LYSMD1: variants seen among roughly 807,000 people sequenced by gnomAD.
LYSMD1 encodes the protein LysM domain containing 1.
LYSMD1 carries 9 observed loss-of-function variants against 19.3 expected under a neutral mutation model. That is an observed-to-expected ratio of 0.47 (90% CI 0.28 to 0.81). The LOEUF (loss-of-function observed/expected upper bound fraction) is 0.81, where lower values mean the gene tolerates loss of function less well. LYSMD1 is among the 40% of genes least tolerant of loss of function. The pLI is 0.11. For missense variants in LYSMD1, 262 were observed against 279.8 expected, an observed-to-expected ratio of 0.94 and a Z score of 0.45; for synonymous variants, 111 against 111.7, an observed-to-expected ratio of 0.99 and a Z score of 0.04.
Position 151,161,762 on chromosome 1 carries a change from A to T in LYSMD1, c.519T>A (p.Ala173=), listed in dbSNP as rs759860606. ...SQISLSKKAA[A]QKLKKGENGV... is the part of the protein sequence containing the mutation. Reference sequence around the variant, plus strand: ...CATTTTCCCCTTTTTTCAGCTTCTGAGCAGCAGCCTTCTTGGACAGGCTGA... The same window carrying T: ...CATTTTCCCCTTTTTTCAGCTTCTGTGCAGCAGCCTTCTTGGACAGGCTGA... The change falls in exon 2 of 3, where the codon GCT becomes GCA. Residue 173 remains alanine, a synonymous_variant. Transcript: ENST00000368908. 1 of 1,611,496 alleles carries T rather than the reference A, an allele frequency of 6.2e-7. No individual in the cohort carries two copies. The highest frequency in any genetic ancestry group is 8.5e-7 in the Non-Finnish European group (1 of 1,179,376).
chr1:151,165,031 C>T, intron 1 of LYSMD1, 48 bp downstream of exon 1: 3 of 1,547,506 alleles, frequency 1.9e-6, no homozygotes, highest in Non-Finnish European at 2.7e-6. Context: ...CTTCTCAGGA[C>T]TAAATCCCTC....
chr1:151,162,514 T>C (rs1265588730), intron 1 of LYSMD1, among the ~76,000 whole-genome samples: 1 of 152,164 alleles, frequency 6.6e-6, no homozygotes, highest in Non-Finnish European at 1.5e-5. Flanking sequence ...GTTAAGCTAC[T>C]TTCCTAAAAT....
chr1:151,151,911 A>G, the LYSMD1 span, among the ~76,000 whole-genome samples: 2 of 151,448 alleles, frequency 1.3e-5, no homozygotes, highest in African/African-American at 2.4e-5. Flanking sequence ...CCTGAGCAAC[A>G]AGAGCGAAAC....
the LYSMD1 span, among the ~76,000 whole-genome samples, chr1:151,154,671 G>A: frequency 6.6e-6 from 1 of 151,186 alleles, no homozygotes; most frequent in South Asian, 2.1e-4. Flanking sequence ...TTTGGAGACC[G>A]AGTCTCACTC....
chr1:151,150,868 A>G, the LYSMD1 span, among the ~76,000 whole-genome samples: 2 of 151,482 alleles, frequency 1.3e-5, no homozygotes, highest in Non-Finnish European at 2.9e-5. Flanking sequence ...CCTCCCGAGT[A>G]GCTGGGATTA....
At chr1:151,154,496 AAG>A in the LYSMD1 span, among the ~76,000 whole-genome samples, 4 of 146,834 alleles carry the variant, frequency 2.7e-5, no homozygotes, top group Admixed American at 6.7e-5. Context: ...AAAAGAAAGA[AAG>A]AGAGAGAGAG....
Position 151,160,902 on chromosome 1 carries a change from C to T in LYSMD1, c.664G>A (p.Asp222Asn), listed in dbSNP as rs1223112802. 6.2e-7 allele frequency: 1 copy of T among 1,613,908 alleles called. No individual in the cohort carries two copies. ...GGACATCAGAGTTTGAAGATTTCAT[C>T]CTCCTGGTCCCGTAGTGTCCGGGTC... ...SRTRTLRDQE[D>N]EIFKL The change falls in exon 3 of 3, where the codon GAT (aspartate) becomes AAT (asparagine). Residue 222 changes from aspartate to asparagine, a missense_variant. Coordinates refer to ENST00000368908, the MANE Select transcript of LYSMD1 (RefSeq NM_212551.5).
chr1:151,151,155 T>C, the LYSMD1 span, among the ~76,000 whole-genome samples: 1 of 152,214 alleles, frequency 6.6e-6, no homozygotes, highest in Non-Finnish European at 1.5e-5. Flanking sequence ...AATCCGACAA[T>C]GAGAACAGTT....
At chr1:151,158,073 C>G (rs587632546), downstream of LYSMD1, among the ~76,000 whole-genome samples, 4 of 152,246 alleles carry the variant, frequency 2.6e-5, no homozygotes, top group African/African-American at 9.6e-5. Context: ...GCCTGTATTC[C>G]CGGCACTTTG....
chr1:151,158,689 C>T, downstream of LYSMD1: 1 of 1,587,296 alleles, frequency 6.3e-7, no homozygotes, highest in East Asian at 2.2e-5. Context: ...ACCCCACTCT[C>T]CAGGACCCAT....
At chr1:151,163,926 C>A (rs1415390954) in intron 1 of LYSMD1, among the ~76,000 whole-genome samples, 1 of 151,322 alleles carries the variant, frequency 6.6e-6, no homozygotes, top group Non-Finnish European at 1.5e-5. Flanking sequence ...CACTCTGTTG[C>A]CCAGGCTGGA....
chr1:151,152,563 G>A, the LYSMD1 span, among the ~76,000 whole-genome samples: 4 of 151,294 alleles, frequency 2.6e-5, no homozygotes. Context: ...AGCCGGGCGT[G>A]GGGGTGCGCG....
chr1:151,162,355 G>T (rs1263627791), intron 1 of LYSMD1, among the ~76,000 whole-genome samples: 1 of 152,164 alleles, frequency 6.6e-6, no homozygotes, highest in Non-Finnish European at 1.5e-5. Flanking sequence ...TACTCAGGAG[G>T]CTGAGGAGGG....
At chr1:151,158,597 C>A, downstream of LYSMD1, 1 of 1,169,096 alleles carries the variant, frequency 8.6e-7, no homozygotes, top group Non-Finnish European at 1.2e-6. Context: ...GACATGGAAA[C>A]TAAAGAAGCA....
downstream of LYSMD1, among the ~76,000 whole-genome samples, chr1:151,155,504 G>C (rs985589932): frequency 6.6e-6 from 1 of 152,182 alleles, no homozygotes; most frequent in Non-Finnish European, 1.5e-5. Context: ...GGGAGACTAA[G>C]GTAGGAGGAT....
At chr1:151,149,888 C>T in the LYSMD1 span, among the ~76,000 whole-genome samples, 1 of 152,298 alleles carries the variant, frequency 6.6e-6, no homozygotes. Flanking sequence ...CAGGAAAACC[C>T]TCATCCGTCT....
the LYSMD1 span, among the ~76,000 whole-genome samples, chr1:151,150,940 T>C: frequency 1.3e-5 from 2 of 151,910 alleles, no homozygotes; most frequent in Non-Finnish European, 2.9e-5. Flanking sequence ...GGTTTCGCCA[T>C]GTTGGCCAGG....
At chr1:151,157,691 C>T (rs146834469), downstream of LYSMD1, among the ~76,000 whole-genome samples, 9 of 152,308 alleles carry the variant, frequency 5.9e-5, no homozygotes, top group African/African-American at 2.2e-4. Flanking sequence ...TATTTCTCTT[C>T]GCTTCAGTTT....
In LYSMD1 at chr1:151,160,594, T is replaced by G. The variant is rs1572065397; in HGVS notation, c.*288A>C. 4.4e-6 allele frequency: 1 copy of G among 227,500 alleles called. No homozygotes were observed. Among genetic ancestry groups the G allele is most frequent in the Non-Finnish European group, 8.6e-6 (1 of 115,966 alleles). 14.1% of individuals were successfully genotyped at this position (227,500 alleles called of 1,614,324 possible). A position where few individuals can be genotyped will look rare whatever the true frequency, so the allele number is the denominator to read the frequency against. On this transcript the variant is annotated 3_prime_UTR_variant, in exon 3 of 3. Coordinates refer to ENST00000368908, the MANE Select transcript of LYSMD1 (RefSeq NM_212551.5). Reference sequence around the variant, plus strand: ...TCCCTGTTCTAAGGCCAGGGAAAGGTAAAAAGGATAGGAAAGGCAACAAGG... The same window carrying G: ...TCCCTGTTCTAAGGCCAGGGAAAGGGAAAAAGGATAGGAAAGGCAACAAGG...
Sources: gnomAD v4.1 joint callset for allele counts (sites outside exome capture counted in the v4.1 genomes callset) on GRCh38, gnomAD v4.1.1 for gene constraint, MANE v1.5 for transcripts, NCBI Gene and HGNC (gene_info 2026-07-23, HGNC 2026-07-21) for gene names.